The following TAF15 variants were observed in gnomAD, a reference collection of about 807,000 sequenced individuals.
The protein encoded by TAF15 is TATA-box binding protein associated factor 15.
Under a neutral mutation model 102.5 loss-of-function variants are expected in TAF15, and 37 were observed. The ratio of observed to expected loss-of-function variants is 0.36; its 90% CI spans 0.28 to 0.47. The LOEUF (loss-of-function observed/expected upper bound fraction) is 0.47. TAF15 is among the 20% of genes least tolerant of loss of function. The pLI, the probability that TAF15 is intolerant of heterozygous loss-of-function variation, is 0.99. For synonymous variants in TAF15, 273 were observed against 259.2 expected, an observed-to-expected ratio of 1.05 and a Z score of -0.51; for missense variants, 652 against 760.7, an observed-to-expected ratio of 0.86 and a Z score of 1.68.
chr17:35,840,598 G>A (rs1056637119), intron 11 of TAF15, among the ~76,000 whole-genome samples: 2 of 151,612 alleles, frequency 1.3e-5, no homozygotes, highest in Non-Finnish European at 2.9e-5. Context: ...AGGCGTGGTG[G>A]CTCATGCCTG....
At chr17:35,829,270 C>T (rs2087368428) in intron 7 of TAF15, among the ~76,000 whole-genome samples, 1 of 151,636 alleles carries the variant, frequency 6.6e-6, no homozygotes. Flanking sequence ...CCTTTTACTT[C>T]TTGGCAGTTT....
At chr17:35,842,801 C>T (rs1017467280) in intron 12 of TAF15, among the ~76,000 whole-genome samples, 12 of 151,708 alleles carry the variant, frequency 7.9e-5, no homozygotes, top group Non-Finnish European at 1.5e-5. Context: ...GGCGTGATCT[C>T]GGCTCACCAC....
intron 10 of TAF15, 59 bp from the exon 11 acceptor site, chr17:35,838,365 A>G (rs2087501132): frequency 1.2e-6 from 2 of 1,602,766 alleles, no homozygotes; most frequent in African/African-American, 1.3e-5. Context: ...GATTATCTAA[A>G]TGATACATGA....
chr17:35,815,738 T>A (rs1180355995), intron 1 of TAF15, among the ~76,000 whole-genome samples: 1 of 152,174 alleles, frequency 6.6e-6, no homozygotes, highest in Non-Finnish European at 1.5e-5. Context: ...ATCCTTTGAT[T>A]TGGGATAATC....
At chr17:35,822,968 A>G (rs760033374) in intron 6 of TAF15, 135 bp downstream of exon 6, 3 of 1,083,406 alleles carry the variant, frequency 2.8e-6, no homozygotes, top group Non-Finnish European at 4.2e-6. Flanking sequence ...GTTCCCTCTC[A>G]TGGTAATCAA....
At chr17:35,834,924 T>C (rs2087456364) in intron 9 of TAF15, among the ~76,000 whole-genome samples, 1 of 151,854 alleles carries the variant, frequency 6.6e-6, no homozygotes, top group African/African-American at 2.4e-5. Flanking sequence ...TTTTGTATTT[T>C]TAGTAGAGGC....
chr17:35,828,777 T>TAAA (rs11348556), intron 7 of TAF15, among the ~76,000 whole-genome samples: 2 of 136,496 alleles, frequency 1.5e-5, no homozygotes. Context: ...TTCAAATGTT[T>TAAA]AAAAAAAAAA....
intron 7 of TAF15, among the ~76,000 whole-genome samples, chr17:35,825,219 A>G (rs538486502): frequency 3.9e-5 from 6 of 152,352 alleles, no homozygotes; most frequent in Admixed American, 2.0e-4. Context: ...TTTAGTGTAC[A>G]GTGCTTTGAT....
At chr17:35,809,921 G>C (rs2143723455) in intron 1 of TAF15, 1 of 489,490 alleles carries the variant, frequency 2.0e-6, no homozygotes, top group Non-Finnish European at 3.7e-6. Flanking sequence ...TAGAGCATCA[G>C]CCTGAGAGAA....
Position 35,842,302 on chromosome 17 carries a change from T to C in TAF15, c.914-65T>C, listed in dbSNP as rs544013753. The C allele has an allele frequency of 2.4e-6, 3 of 1,254,638 alleles. No homozygotes were observed. The African/African-American group carries it at 4.4e-5, about 18-fold the overall frequency. The allele number at this position is 1,254,638 out of a possible 1,614,324, so 77.7% of individuals were successfully genotyped here. A position where few individuals can be genotyped will look rare whatever the true frequency, so the allele number is the denominator to read the frequency against. ...GAAACTAAAGATTTCCAAGACTTTT[T>C]CATTTTTGTTGACAGGTGGAGGTAT... On this transcript the variant is annotated intron_variant, in intron 11 of 15. Transcript: ENST00000605844.
chr17:35,832,873 A>G (rs190188990), intron 7 of TAF15, among the ~76,000 whole-genome samples: 94 of 152,184 alleles, frequency 6.2e-4, no homozygotes, highest in Middle Eastern at 3.4e-3. Flanking sequence ...ATAAAAGTCT[A>G]TGTCCTGGCG....
At chr17:35,837,735 G>T (rs1401546321) in intron 10 of TAF15, among the ~76,000 whole-genome samples, 1 of 152,026 alleles carries the variant, frequency 6.6e-6, no homozygotes, top group Non-Finnish European at 1.5e-5. Flanking sequence ...GCTGAGGCAG[G>T]AGAGTGATGT....
At chr17:35,823,208 TTGTAAG>T (rs2087284292) in intron 6 of TAF15, among the ~76,000 whole-genome samples, 3 of 152,304 alleles carry the variant, frequency 2.0e-5, no homozygotes, top group African/African-American at 7.2e-5. Flanking sequence ...AGTTGAATAA[TTGTAAG>T]TGTAAGTAAG....
intron 10 of TAF15, among the ~76,000 whole-genome samples, chr17:35,837,620 G>T (rs1054291258): frequency 6.6e-6 from 1 of 152,046 alleles, no homozygotes; most frequent in Non-Finnish European, 1.5e-5. Flanking sequence ...AAGGTCAGGA[G>T]ATCAAGACCA....
At chr17:35,813,524 T>C (rs959652601) in intron 1 of TAF15, among the ~76,000 whole-genome samples, 1 of 151,872 alleles carries the variant, frequency 6.6e-6, no homozygotes, top group African/African-American at 2.4e-5. Flanking sequence ...TAATCCCAGC[T>C]ACTCGGGAGG....
At chr17:35,832,832 G>C (rs1416623590) in intron 7 of TAF15, among the ~76,000 whole-genome samples, 1 of 152,044 alleles carries the variant, frequency 6.6e-6, no homozygotes, top group Non-Finnish European at 1.5e-5. Context: ...TGTTCACAAG[G>C]ACCACTGTCC....
At chr17:35,831,461 A>G (rs2087404869) in intron 7 of TAF15, among the ~76,000 whole-genome samples, 1 of 152,054 alleles carries the variant, frequency 6.6e-6, no homozygotes. Flanking sequence ...ATAGGAAATC[A>G]TAAACCTATT....
At chr17:35,840,316 A>G (rs2087528756) in intron 11 of TAF15, among the ~76,000 whole-genome samples, 1 of 146,038 alleles carries the variant, frequency 6.8e-6, no homozygotes, top group African/African-American at 2.6e-5. Context: ...CAGTGGCGCA[A>G]TCTCGGCTCA....
chr17:35,823,973 C>T, intron 6 of TAF15, 105 bp from the exon 7 acceptor site: 2 of 1,420,882 alleles, frequency 1.4e-6, no homozygotes, highest in Non-Finnish European at 2.0e-6. Flanking sequence ...GCACATGTGC[C>T]ATTTTCTATA....
Sources: allele counts gnomAD v4.1 joint callset (sites outside exome capture counted in the v4.1 genomes callset), GRCh38; gene constraint gnomAD v4.1.1; transcripts MANE v1.5; gene names NCBI Gene and HGNC (gene_info 2026-07-23, HGNC 2026-07-21).